Variants in SMAD1 observed in about 807,000 individuals in gnomAD.
The protein encoded by SMAD1 is MAD, mothers against decapentaplegic homolog 1.
In SMAD1, 6 loss-of-function variants were observed where a neutral mutation model predicts 41.6. The observed-to-expected ratio is 0.14, with a 90% CI of 0.08 to 0.28. The LOEUF (loss-of-function observed/expected upper bound fraction) is 0.28, where lower values mean the gene tolerates loss of function less well. SMAD1 is among the 10% of genes least tolerant of loss of function. SMAD1 has a pLI of 1.00. For missense variants in SMAD1, 379 were observed against 582.6 expected (o/e 0.65, Z 3.60); for synonymous variants, 206 against 203.2 (o/e 1.01, Z -0.12).
At chr4:145,535,451 T>G (rs1731558096) in intron 2 of SMAD1, among the ~76,000 whole-genome samples, 1 of 152,214 alleles carries the variant, frequency 6.6e-6, no homozygotes, top group Non-Finnish European at 1.5e-5. Context: ...TATGGGAGAT[T>G]GTTAAATCAC....
intron 1 of SMAD1, among the ~76,000 whole-genome samples, chr4:145,500,367 T>C (rs1416896069): frequency 6.6e-6 from 1 of 152,172 alleles, no homozygotes; most frequent in Non-Finnish European, 1.5e-5. Context: ...CTCTCTGGCC[T>C]CATCTCTCAT....
rs1325661130 is a variant in SMAD1, at chr4:145,553,831, A to G, written c.1045A>G (p.Ser349Gly). ...AGGGGAGGTGTATGCCGAATGCCTT[A>G]GTGACAGTAGCATCTTTGTGCAAAG... is the stretch of plus-strand genomic sequence containing the variant. ...VGGEVYAECL[S>G]DSSIFVQSRN... is the part of the protein sequence containing the mutation. The change falls in exon 6 of 7, where the codon AGT becomes GGT. Residue 349 changes from serine to glycine, a missense_variant. This residue lies in a region of SMAD1 where 107 missense variants were observed against 218.3 expected (regional missense o/e 0.49). Coordinates refer to ENST00000302085, the MANE Select transcript of SMAD1 (RefSeq NM_005900.3). 6.2e-7 allele frequency: 1 copy of G among 1,613,872 alleles called. No individual in the cohort carries two copies. The highest frequency in any genetic ancestry group is 2.2e-5 in the East Asian group (1 of 44,888).
intron 1 of SMAD1, among the ~76,000 whole-genome samples, chr4:145,499,560 G>T (rs1217701543): frequency 6.6e-6 from 1 of 152,130 alleles, no homozygotes; most frequent in Non-Finnish European, 1.5e-5. Flanking sequence ...GGTCTAGGCT[G>T]CAGTGAGCCA....
At chr4:145,544,073 A>G (rs922425064) in intron 4 of SMAD1, 1 of 152,202 alleles carries the variant, frequency 6.6e-6, no homozygotes, top group African/African-American at 2.4e-5. Flanking sequence ...GATGTACACC[A>G]TAAGTGAACC....
chr4:145,555,079 G>A (rs1019005807), intron 6 of SMAD1, among the ~76,000 whole-genome samples: 2 of 151,968 alleles, frequency 1.3e-5, no homozygotes, highest in Non-Finnish European at 2.9e-5. Context: ...TTGTTTTTGT[G>A]TGTTTGTTTG....
intron 2 of SMAD1, among the ~76,000 whole-genome samples, chr4:145,523,473 T>C (rs969259046): frequency 2.6e-5 from 4 of 152,054 alleles, no homozygotes; most frequent in Admixed American, 6.5e-5. Context: ...ACTAATAAAA[T>C]AGACCAGGGA....
intron 1 of SMAD1, among the ~76,000 whole-genome samples, chr4:145,503,169 G>A (rs1237675995): frequency 6.6e-6 from 1 of 152,146 alleles, no homozygotes; most frequent in African/African-American, 2.4e-5. Context: ...TCCCATGTTT[G>A]GAAGTAGCCA....
chr4:145,481,737 G>A, upstream of SMAD1: 1 of 187,076 alleles, frequency 5.3e-6, no homozygotes, highest in Non-Finnish European at 1.1e-5. Context: ...AGCGGCGGCG[G>A]CGCGCGGGTG....
intron 5 of SMAD1, among the ~76,000 whole-genome samples, chr4:145,551,888 C>A (rs1296317602): frequency 6.6e-6 from 1 of 152,100 alleles, no homozygotes; most frequent in Non-Finnish European, 1.5e-5. Context: ...GGAATCTCTC[C>A]TAAGGATATT....
chr4:145,517,705 ATCT>A (rs1230595479), intron 2 of SMAD1, among the ~76,000 whole-genome samples: 3 of 70,254 alleles, frequency 4.3e-5, no homozygotes, highest in African/African-American at 9.6e-5. Context: ...CCTTTTGACC[ATCT>A]TCTTCCCTTC....
chr4:145,496,346 T>C (rs1008398380), intron 1 of SMAD1, among the ~76,000 whole-genome samples: 6 of 152,114 alleles, frequency 3.9e-5, no homozygotes, highest in African/African-American at 1.4e-4. Context: ...TGTGCCTCAG[T>C]TTTGTCATCT....
chr4:145,512,955 C>G (rs762647646), intron 1 of SMAD1, among the ~76,000 whole-genome samples: 1 of 152,104 alleles, frequency 6.6e-6, no homozygotes, highest in Non-Finnish European at 1.5e-5. Flanking sequence ...TCATTTTTGC[C>G]CTTAGACTGG....
chr4:145,494,149 A>T (rs570852963), intron 1 of SMAD1, among the ~76,000 whole-genome samples: 12 of 152,134 alleles, frequency 7.9e-5, no homozygotes, highest in African/African-American at 2.7e-4. Context: ...TTTAGTAGAG[A>T]TGGGGTTTCA....
At chr4:145,519,878 A>G (rs1370583639) in intron 2 of SMAD1, among the ~76,000 whole-genome samples, 2 of 152,090 alleles carry the variant, frequency 1.3e-5, no homozygotes, top group African/African-American at 4.8e-5. Flanking sequence ...TAGATTCCAC[A>G]TGTAGTGAGA....
chr4:145,538,062 C>A (rs1439884252), intron 2 of SMAD1, among the ~76,000 whole-genome samples: 1 of 152,104 alleles, frequency 6.6e-6, no homozygotes, highest in Non-Finnish European at 1.5e-5. Flanking sequence ...GCCAATGTTT[C>A]CCCCTTTTAA....
At chr4:145,507,319 G>C (rs1729843936) in intron 1 of SMAD1, among the ~76,000 whole-genome samples, 1 of 151,792 alleles carries the variant, frequency 6.6e-6, no homozygotes, top group South Asian at 2.1e-4. Context: ...ACCCAGTCAT[G>C]GTTAATATTT....
intron 1 of SMAD1, among the ~76,000 whole-genome samples, chr4:145,488,958 A>G (rs1468371565): frequency 6.6e-6 from 1 of 152,226 alleles, no homozygotes; most frequent in Non-Finnish European, 1.5e-5. Context: ...CATAGGCAGA[A>G]GGAAGAGGGA....
In SMAD1 at chr4:145,505,198, C is replaced by T. The variant is rs181163261; in HGVS notation, c.-176-9240C>T. Among the ~76,000 whole-genome samples the T allele has an allele frequency of 2.9e-3, 437 of 152,268 alleles. 1 individual carries two copies. Among genetic ancestry groups the T allele is most frequent in the African/African-American group, 1.0e-2 (415 of 41,548 alleles). On this transcript the variant is annotated intron_variant, in intron 1 of 6. Coordinates refer to ENST00000302085, the MANE Select transcript of SMAD1 (RefSeq NM_005900.3). ...GTAATGAGAATTACATTACAAGTCC[C>T]CTGGCATGTTCCCCTTTGACCTTTT...
chr4:145,543,032 T>C (rs753951122), intron 4 of SMAD1, among the ~76,000 whole-genome samples: 4 of 152,104 alleles, frequency 2.6e-5, no homozygotes, highest in Admixed American at 6.6e-5. Flanking sequence ...TGGAGCACGA[T>C]CTTGGTTCAC....
Sources: gnomAD v4.1 joint callset for allele counts (sites outside exome capture counted in the v4.1 genomes callset) on GRCh38, gnomAD v4.1.1 for gene constraint, gnomAD v4.1.1 regional missense constraint, MANE v1.5 for transcripts, NCBI Gene and HGNC (gene_info 2026-07-23, HGNC 2026-07-21) for gene names.